WNK1: variants seen among roughly 807,000 people sequenced by gnomAD.
The protein encoded by WNK1 is serine/threonine-protein kinase WNK1.
WNK1 carries 38 observed loss-of-function variants against 222.8 expected under a neutral mutation model. The ratio of observed to expected loss-of-function variants is 0.17; its 90% CI spans 0.13 to 0.22. WNK1 has a LOEUF of 0.22. Ranked by LOEUF, WNK1 falls within the 10% of genes least tolerant of loss-of-function variation. The pLI is 1.00. For missense variants in WNK1, 2,348 were observed against 2,918.4 expected (o/e 0.80, Z 4.50); for synonymous variants, 1,090 against 1,092.9 (o/e 1.00, Z 0.05).
intron 4 of WNK1, among the ~76,000 whole-genome samples, chr12:856,811 G>A (rs1950831466): frequency 6.6e-6 from 1 of 152,196 alleles, no homozygotes; most frequent in South Asian, 2.1e-4. Flanking sequence ...TATGTGTTTA[G>A]GGAACAAGGT....
At chr12:754,864 T>A (rs1939752896) in intron 1 of WNK1, among the ~76,000 whole-genome samples, 1 of 152,204 alleles carries the variant, frequency 6.6e-6, no homozygotes, top group Admixed American at 6.5e-5. Flanking sequence ...TGTTTGATGT[T>A]GTTCTACCTA....
intron 8 of WNK1, chr12:869,099 C>G (rs1171950448): frequency 6.2e-7 from 1 of 1,613,992 alleles, no homozygotes; most frequent in South Asian, 1.1e-5. Flanking sequence ...TGCACTTCAT[C>G]CACAGGTTAT....
At chr12:898,832 C>T (rs974150192) in intron 25 of WNK1, among the ~76,000 whole-genome samples, 1 of 152,144 alleles carries the variant, frequency 6.6e-6, no homozygotes, top group East Asian at 1.9e-4. Flanking sequence ...CTCCGCCTCC[C>T]AGTTTCAAGT....
chr12:823,426 G>A (rs1464100565), intron 2 of WNK1, among the ~76,000 whole-genome samples: 1 of 152,138 alleles, frequency 6.6e-6, no homozygotes, highest in Non-Finnish European at 1.5e-5. Flanking sequence ...TGCTCAACTT[G>A]ATGGTGTCCC....
At position 861,130 on chromosome 12, in the gene WNK1, G is replaced by GAAA. The variant is rs746484082; in HGVS notation, c.1746_1748dup (p.Lys583dup). ...GCGGCAGTTGGTACGGGAGGAGCAA[G>GAAA]AAAAAAAAAAGCAGGAAGAGAGCAG... On this transcript the variant is annotated inframe_insertion, in exon 7 of 28. Transcript: ENST00000315939. 4.0e-6 allele frequency: 6 copies of GAAA among 1,512,548 alleles called. No homozygotes were observed. The African/African-American group carries it at 7.0e-5, about 18-fold the overall frequency. 93.7% of individuals were successfully genotyped at this position (1,512,548 alleles called of 1,614,324 possible).
At chr12:868,628 GAATTTC>G in intron 8 of WNK1, 1 of 1,613,974 alleles carries the variant, frequency 6.2e-7, no homozygotes, top group Non-Finnish European at 8.5e-7. Context: ...CTGTGTATTT[GAATTTC>G]ATGTTCACAC....
rs1450647581 is a variant in WNK1 at position 753,521 on chromosome 12, C to G, written c.-45C>G. 1 of 1,610,074 alleles carries G rather than the reference C, an allele frequency of 6.2e-7. No individual in the cohort carries two copies. Among genetic ancestry groups the G allele is most frequent in the Middle Eastern group, 2.1e-4 (1 of 4,846 alleles). ...GCGGCTCGGCCCTTCACGCCCTTTT[C>G]GTTCACGAATCCGAGCCCGCTCGCC... On this transcript the variant is annotated 5_prime_UTR_variant, in exon 1 of 28. Transcript: ENST00000315939. The surrounding 1 kb of genome is among the most constrained non-coding windows in gnomAD (Gnocchi z 5.2).
Position 827,368 on chromosome 12 carries a change from A to G in WNK1, c.1153+106A>G. The G allele has an allele frequency of 9.9e-7, 1 of 1,014,062 alleles. No individual in the cohort carries two copies. The highest frequency in any genetic ancestry group is 1.5e-6 in the Non-Finnish European group (1 of 646,824). The allele number at this position is 1,014,062 out of a possible 1,614,324, so 62.8% of individuals were successfully genotyped here. A position where few individuals can be genotyped will look rare whatever the true frequency, so the allele number is the denominator to read the frequency against. ...AAGTGATATAAACCTTAAGAAATTCATAGCTTGAACTCAGGAGGTGATCCA... is the reference window on the plus strand; with the variant it reads ...AAGTGATATAAACCTTAAGAAATTCGTAGCTTGAACTCAGGAGGTGATCCA... On this transcript the variant is annotated intron_variant, in intron 3 of 27. Transcript: ENST00000315939. This position sits in a 1 kb window ranked among gnomAD's most constrained non-coding sequence, Gnocchi z 4.6.
chr12:832,352 G>T (rs1274852068), intron 4 of WNK1, among the ~76,000 whole-genome samples: 1 of 152,172 alleles, frequency 6.6e-6, no homozygotes, highest in Non-Finnish European at 1.5e-5. Flanking sequence ...TGGAATTACA[G>T]GCATGAGCCA....
In WNK1 at chr12:887,230, G is replaced by T. The variant is rs201521760; in HGVS notation, c.5290G>T (p.Val1764Leu). The change falls in exon 20 of 28, where the codon GTG (valine) becomes TTG (leucine). Residue 1764 changes from valine (V) to leucine (L), a missense_variant. By Grantham distance (32) the Val-to-Leu change is conservative. Transcript: ENST00000315939. ...PPLTKAPVLP[V>L]GTELPAGTLP... ...CCTTTGTTGTCTGTAGGTGCTGCCA[G>T]TGGGTACTGAACTTCCAGCAGGTAC... The T allele has an allele frequency of 2.8e-5, 46 of 1,614,076 alleles. No homozygotes were observed. Among genetic ancestry groups the T allele is most frequent in the Non-Finnish European group, 3.7e-5 (44 of 1,180,028 alleles).
Position 883,038 on chromosome 12 carries a change from C to G in WNK1, c.3468C>G (p.Pro1156=), listed in dbSNP as rs753078534. The change falls in exon 15 of 28, where the codon CCC becomes CCG. Residue 1156 remains proline, a synonymous_variant. Coordinates refer to ENST00000315939, the MANE Select transcript of WNK1 (RefSeq NM_018979.4). ...AATTTGACCTAGATGGTGACAACCC[C>G]GAGGAGATAGCAACAATTATGGTAC... is the stretch of plus-strand genomic sequence containing the variant. ...TFKFDLDGDN[P]EEIATIMVNN... 9 of 1,611,846 alleles carry G rather than the reference C, an allele frequency of 5.6e-6. No individual in the cohort carries two copies. Among genetic ancestry groups the G allele is most frequent in the African/African-American group, 4.0e-5 (3 of 74,868 alleles).
intron 2 of WNK1, among the ~76,000 whole-genome samples, chr12:818,717 C>G (rs1026520086): frequency 9.2e-5 from 14 of 152,156 alleles, no homozygotes; most frequent in African/African-American, 3.1e-4. Context: ...TAAATAGACT[C>G]AAAGTATGTT....
intron 1 of WNK1, among the ~76,000 whole-genome samples, chr12:764,208 C>G (rs1025773002): frequency 1.4e-5 from 2 of 147,278 alleles, no homozygotes; most frequent in African/African-American, 4.9e-5. Context: ...GTAACAATTA[C>G]CAAGGGAATA....
At chr12:822,641 C>A (rs998735616) in intron 2 of WNK1, among the ~76,000 whole-genome samples, 1 of 152,172 alleles carries the variant, frequency 6.6e-6, no homozygotes, top group Non-Finnish European at 1.5e-5. Context: ...ATACAAATCT[C>A]TGATCCTATA....
chr12:856,337 C>T (rs1266033835), intron 4 of WNK1, among the ~76,000 whole-genome samples: 1 of 151,540 alleles, frequency 6.6e-6, no homozygotes, highest in Non-Finnish European at 1.5e-5. Context: ...ACCTGTATTC[C>T]CGGCTACTCA....
At position 881,782 on chromosome 12, in the gene WNK1, G is replaced by C. The variant is rs538266658; in HGVS notation, c.3202G>C (p.Val1068Leu). 8.1e-6 allele frequency: 13 copies of C among 1,614,180 alleles called. No individual in the cohort carries two copies. The South Asian group carries it at 1.4e-4, about 18-fold the overall frequency. ...ATQPTTLASS[V>L]DSAHSDVASG... The stretch of plus-strand genomic sequence containing the variant: ...CCAGCCGACCACTTTGGCTTCCTCT[G>C]TAGACAGGTACGTAAAACTAGAATT... The change falls in exon 13 of 28, where the codon GTA (valine) becomes CTA (leucine). Residue 1068 changes from valine to leucine, a missense_variant. Physicochemically the swap from Val to Leu is conservative, Grantham distance 32. Transcript: ENST00000315939.
chr12:756,983 A>T (rs1455659201), intron 1 of WNK1, among the ~76,000 whole-genome samples: 2 of 152,222 alleles, frequency 1.3e-5, no homozygotes, highest in Non-Finnish European at 2.9e-5. Context: ...GATTAGGTAG[A>T]TGAAGAACAA....
chr12:906,169 G>A, intron 26 of WNK1: 1 of 367,436 alleles, frequency 2.7e-6, no homozygotes, highest in Non-Finnish European at 3.8e-6. Flanking sequence ...GTACCTTAAG[G>A]ACTAGTGGTT....
intron 4 of WNK1, among the ~76,000 whole-genome samples, chr12:838,078 AGTGTGTGTGTGTGT>A (rs3072742): frequency 2.0e-5 from 3 of 148,888 alleles, no homozygotes; most frequent in South Asian, 2.2e-4. Context: ...GTAATATTCC[AGTGTGTGTGTGTGT>A]GTGTGTGTGT....
Sources: allele counts gnomAD v4.1 joint callset (sites outside exome capture counted in the v4.1 genomes callset), GRCh38; gene constraint gnomAD v4.1.1; non-coding constraint Gnocchi (gnomAD v3.1); transcripts MANE v1.5; gene names NCBI Gene and HGNC (gene_info 2026-07-23, HGNC 2026-07-21).